DENND5A: variants seen among roughly 807,000 people sequenced by gnomAD.
DENND5A encodes DENN domain containing 5A.
Under a neutral mutation model 140.3 loss-of-function variants are expected in DENND5A, and 64 were observed. The ratio of observed to expected loss-of-function variants is 0.46; its 90% CI spans 0.37 to 0.56. The LOEUF (loss-of-function observed/expected upper bound fraction) is 0.56, where lower values mean the gene tolerates loss of function less well. Among genes scored for constraint, DENND5A ranks in the 20% least tolerant of loss-of-function variants. The pLI, the probability that DENND5A is intolerant of heterozygous loss-of-function variation, is 0.00. For synonymous variants in DENND5A, 605 were observed against 607.7 expected, an observed-to-expected ratio of 1.00 and a Z score of 0.07; for missense variants, 1,292 against 1,593.8, an observed-to-expected ratio of 0.81 and a Z score of 3.22.
chr11:9,185,139 C>T (rs1317408965), intron 5 of DENND5A, among the ~76,000 whole-genome samples: 3 of 152,082 alleles, frequency 2.0e-5, no homozygotes, highest in East Asian at 1.9e-4. Context: ...TGCAGTGAGT[C>T]GAGATTGCGC....
At chr11:9,199,209 T>C in intron 4 of DENND5A, among the ~76,000 whole-genome samples, 1 of 151,702 alleles carries the variant, frequency 6.6e-6, no homozygotes, top group Non-Finnish European at 1.5e-5. Flanking sequence ...ATATAATTTT[T>C]AAATAAGGCC....
chr11:9,241,082 C>T (rs907293896), intron 1 of DENND5A, among the ~76,000 whole-genome samples: 1 of 152,142 alleles, frequency 6.6e-6, no homozygotes, highest in African/African-American at 2.4e-5. Context: ...GTAATCCTCA[C>T]AAGCTGATCC....
rs1427954428 is a variant in DENND5A at position 9,193,588 on chromosome 11, G to T, written c.1043C>A (p.Ser348Tyr). The T allele has an allele frequency of 1.2e-6, 2 of 1,614,004 alleles. No individual in the cohort carries two copies. The highest frequency in any genetic ancestry group is 1.7e-6 in the Non-Finnish European group (2 of 1,180,014). The change falls in exon 5 of 23, where the codon TCT (serine) becomes TAT (tyrosine). Residue 348 changes from serine to tyrosine, a missense_variant. Physicochemically the swap from Ser to Tyr is moderately radical, Grantham distance 144. Around this residue, in one of 4 missense-constraint regions of DENND5A, gnomAD observed 566 missense variants for 650.4 expected, o/e 0.87. Transcript: ENST00000328194. ...AGGAGCATCTAAGAAATGCAGGAGA[G>T]AAGCTGGGAGAATAGGGACATAGAC... ...QHVYVPILPASLLHFLDAPVP... is the reference protein window; with the variant it reads ...QHVYVPILPAYLLHFLDAPVP...
rs1002339172 is a variant in DENND5A, at chr11:9,179,591, C to G, written c.1456-518G>C. Among the ~76,000 whole-genome samples, 11 of 151,902 alleles carry G rather than the reference C, an allele frequency of 7.2e-5. 1 individual carries two copies. The highest frequency in any genetic ancestry group is 2.7e-4 in the African/African-American group (11 of 41,474). On this transcript the variant is annotated intron_variant, in intron 6 of 22. Coordinates refer to ENST00000328194, the MANE Select transcript of DENND5A (RefSeq NM_015213.4). Reference sequence around the variant, plus strand: ...CTCGGCTCACCGCAACCTCTGCCTCCCAGGTTCAAGTGATTCTCCTACCTC... The same window carrying G: ...CTCGGCTCACCGCAACCTCTGCCTCGCAGGTTCAAGTGATTCTCCTACCTC...
chr11:9,225,775 A>G (rs1850506396), intron 1 of DENND5A, among the ~76,000 whole-genome samples: 1 of 151,934 alleles, frequency 6.6e-6, no homozygotes, highest in Admixed American at 6.6e-5. Context: ...AAATATATAT[A>G]AGTAATAATA....
intron 8 of DENND5A, chr11:9,171,601 C>G (rs571728712): frequency 2.0e-5 from 3 of 152,058 alleles, no homozygotes; most frequent in Non-Finnish European, 4.4e-5. Context: ...TAGCTTACGC[C>G]TGTAATCCCA....
intron 1 of DENND5A, among the ~76,000 whole-genome samples, chr11:9,243,671 AG>A (rs1851339474): frequency 6.6e-6 from 1 of 152,280 alleles, no homozygotes; most frequent in African/African-American, 2.4e-5. Context: ...GCGGATTACA[AG>A]GTCAGGAGTT....
intron 8 of DENND5A, among the ~76,000 whole-genome samples, chr11:9,174,552 T>C (rs1158639741): frequency 6.7e-6 from 1 of 149,470 alleles, no homozygotes; most frequent in East Asian, 1.9e-4. Context: ...AATTAAAAAT[T>C]AGCCAGGCAT....
intron 4 of DENND5A, among the ~76,000 whole-genome samples, chr11:9,194,367 C>T (rs532675557): frequency 1.3e-5 from 2 of 152,222 alleles, no homozygotes; most frequent in Non-Finnish European, 2.9e-5. Context: ...GAGTTCGAGA[C>T]CAGACTGGCC....
chr11:9,201,393 T>A lies in DENND5A; in HGVS notation c.949+2267A>T, dbSNP rs569983049. ...CTATTTCTTTAAAAAAAAAAAAAAA[T>A]TTTAAGGCTGGGCACAGTGGCGCCT... On this transcript the variant is annotated intron_variant, in intron 4 of 22. Transcript: ENST00000328194. Among the ~76,000 whole-genome samples, 154 of 103,428 alleles carry A rather than the reference T, an allele frequency of 1.5e-3. 1 individual carries two copies. The highest frequency in any genetic ancestry group is 3.6e-3 in the African/African-American group (112 of 31,048). The allele number at this position is 103,428 out of a possible 152,430, so 67.9% of individuals were successfully genotyped here.
chr11:9,206,834 C>T (rs1040091265), intron 2 of DENND5A, 52 bp from the exon 3 acceptor site: 1 of 1,351,202 alleles, frequency 7.4e-7, no homozygotes, highest in Non-Finnish European at 1.1e-6. Flanking sequence ...CTTTAAGTCA[C>T]AGGGTTATAA....
chr11:9,174,001 G>A (rs1848460624), intron 8 of DENND5A, among the ~76,000 whole-genome samples: 1 of 150,400 alleles, frequency 6.6e-6, no homozygotes, highest in African/African-American at 2.5e-5. Flanking sequence ...TACTCGGGAG[G>A]CTGAGGCAGG....
chr11:9,166,386 G>A (rs1036564668), intron 10 of DENND5A, among the ~76,000 whole-genome samples: 3 of 151,968 alleles, frequency 2.0e-5, no homozygotes, highest in Non-Finnish European at 4.4e-5. Flanking sequence ...TTATTTTCTC[G>A]CACTTTCTTA....
intron 12 of DENND5A, among the ~76,000 whole-genome samples, 193 bp from the exon 13 acceptor site, chr11:9,152,635 GA>G (rs1847658371): frequency 6.6e-6 from 1 of 152,120 alleles, no homozygotes; most frequent in Admixed American, 6.5e-5. Context: ...GAAGGTAACA[GA>G]AAAAGGAAAG....
chr11:9,170,588 C>T (rs780041420), intron 9 of DENND5A, 39 bp downstream of exon 9: 1 of 1,611,524 alleles, frequency 6.2e-7, no homozygotes, highest in African/African-American at 1.3e-5. Flanking sequence ...CCTATTACAG[C>T]TAGGGAGTTG....
rs781671147 is a variant in DENND5A, at chr11:9,145,125, T to A, written c.3004-12A>T. On this transcript the variant is annotated splice_polypyrimidine_tract_variant and intron_variant, in intron 17 of 22. Coordinates refer to ENST00000328194, the MANE Select transcript of DENND5A (RefSeq NM_015213.4). ...CCCAAGTTCTGGCACTATTAGAGAATAGAGAAGATGAGGTAGGTCAGGAAA... is the reference window on the plus strand; with the variant it reads ...CCCAAGTTCTGGCACTATTAGAGAAAAGAGAAGATGAGGTAGGTCAGGAAA... The A allele has an allele frequency of 1.9e-6, 3 of 1,574,708 alleles. No individual in the cohort carries two copies. In the Admixed American group the frequency reaches 5.0e-5, roughly 26 times the overall value.
intron 5 of DENND5A, among the ~76,000 whole-genome samples, chr11:9,192,771 A>C (rs1387961741): frequency 2.6e-5 from 4 of 152,244 alleles, no homozygotes; most frequent in Admixed American, 2.6e-4. Context: ...TAAGAAATTC[A>C]AAGTAGGAAA....
chr11:9,147,175 C>T (rs1847460692), intron 15 of DENND5A, 24 bp from the exon 16 acceptor site: 1 of 1,609,936 alleles, frequency 6.2e-7, no homozygotes, highest in African/African-American at 1.3e-5. Flanking sequence ...GGTAATACAT[C>T]AGTCTCCGAC....
intron 5 of DENND5A, among the ~76,000 whole-genome samples, chr11:9,182,562 G>A (rs1848768154): frequency 6.6e-6 from 1 of 152,050 alleles, no homozygotes; most frequent in Non-Finnish European, 1.5e-5. Flanking sequence ...GTTTAACAAT[G>A]GTATACTATT....
Sources: allele counts gnomAD v4.1 joint callset (sites outside exome capture counted in the v4.1 genomes callset), GRCh38; gene constraint gnomAD v4.1.1; regional missense constraint gnomAD v4.1.1; transcripts MANE v1.5; gene names NCBI Gene and HGNC (gene_info 2026-07-23, HGNC 2026-07-21).